Variants in NFATC1 observed in about 807,000 individuals in gnomAD.
The protein encoded by NFATC1 is nuclear factor of activated T cells 1.
Under a neutral mutation model 76.0 loss-of-function variants are expected in NFATC1, and 22 were observed. The ratio of observed to expected loss-of-function variants is 0.29; its 90% CI spans 0.21 to 0.41. The LOEUF (loss-of-function observed/expected upper bound fraction) is 0.41. Ranked by LOEUF, NFATC1 falls within the 10% of genes least tolerant of loss-of-function variation. NFATC1 has a pLI of 1.00. For missense variants in NFATC1, 1,357 were observed against 1,337.7 expected, an observed-to-expected ratio of 1.01 and a Z score of -0.23; for synonymous variants, 704 against 613.1, an observed-to-expected ratio of 1.15 and a Z score of -2.19.
intron 1 of NFATC1, among the ~76,000 whole-genome samples, chr18:79,399,485 A>G (rs1315137547): frequency 6.6e-6 from 1 of 152,168 alleles, no homozygotes; most frequent in Admixed American, 6.5e-5. Context: ...TCGGGTGTAT[A>G]TGGTGCGGAG....
chr18:79,401,343 T>G (rs560460564), intron 1 of NFATC1, among the ~76,000 whole-genome samples: 3 of 152,126 alleles, frequency 2.0e-5, no homozygotes, highest in African/African-American at 7.2e-5. Context: ...TTCCGTATCG[T>G]TCACTACTCT....
chr18:79,410,013 C>T lies in NFATC1; in HGVS notation c.128-390C>T, dbSNP rs752142782. The T allele has an allele frequency of 4.4e-5, 25 of 567,464 alleles. No individual in the cohort carries two copies. The highest frequency in any genetic ancestry group is 1.3e-4 in the East Asian group (3 of 23,024). The allele number at this position is 567,464 out of a possible 1,614,324, so 35.2% of individuals were successfully genotyped here. A position where few individuals can be genotyped will look rare whatever the true frequency, so the allele number is the denominator to read the frequency against. On this transcript the variant is annotated intron_variant, in intron 1 of 9. Coordinates refer to ENST00000427363, the MANE Select transcript of NFATC1 (RefSeq NM_001278669.2). The surrounding 1 kb of genome is among the most constrained non-coding windows in gnomAD (Gnocchi z 6.7). ...TGGTTTTTGAATGAAGAGCGGAACC[C>T]GTGAGGACCCAGTCGCCTCTCTCTG...
chr18:79,445,191 A>G (rs1220195892), intron 3 of NFATC1, among the ~76,000 whole-genome samples: 1 of 152,174 alleles, frequency 6.6e-6, no homozygotes, highest in Non-Finnish European at 1.5e-5. Context: ...TTTTCTTACA[A>G]GTACCGTGTG....
chr18:79,475,302 GTAAA>G (rs2089016182), intron 8 of NFATC1, among the ~76,000 whole-genome samples: 2 of 150,562 alleles, frequency 1.3e-5, no homozygotes, highest in Non-Finnish European at 1.5e-5. Context: ...TGTCAACGTT[GTAAA>G]CCTGAGGGAA....
intron 3 of NFATC1, among the ~76,000 whole-genome samples, chr18:79,444,334 C>A (rs2087106498): frequency 6.6e-6 from 1 of 152,204 alleles, no homozygotes. Flanking sequence ...GAGTCTCCAG[C>A]CATGGCGTCC....
intron 3 of NFATC1, among the ~76,000 whole-genome samples, chr18:79,445,899 G>A (rs1463767253): frequency 6.6e-6 from 1 of 152,172 alleles, no homozygotes; most frequent in Non-Finnish European, 1.5e-5. Context: ...AATAAATTTG[G>A]CCTCAATCAT....
chr18:79,418,528 G>GTGGA (rs2085956087), intron 2 of NFATC1, among the ~76,000 whole-genome samples: 1 of 152,220 alleles, frequency 6.6e-6, no homozygotes. Context: ...TCACCAAGAT[G>GTGGA]TGGAGCCTTC....
At chr18:79,516,570 G>A (rs566616058) in intron 9 of NFATC1, among the ~76,000 whole-genome samples, 18 of 152,258 alleles carry the variant, frequency 1.2e-4, no homozygotes, top group African/African-American at 1.9e-4. Flanking sequence ...CAGCAGTGTC[G>A]GACAGTTTAG....
At chr18:79,400,226 C>T in intron 1 of NFATC1, 1 of 1,181,424 alleles carries the variant, frequency 8.5e-7, no homozygotes, top group Non-Finnish European at 1.0e-6. Context: ...GGCCGCGAGC[C>T]GGTTGTTTAT....
intron 7 of NFATC1, among the ~76,000 whole-genome samples, chr18:79,461,890 CT>C (rs1167810479): frequency 6.6e-6 from 1 of 152,234 alleles, no homozygotes; most frequent in African/African-American, 2.4e-5. Flanking sequence ...CCGACCTCCC[CT>C]GTGATGGTGT....
At chr18:79,514,553 A>G (rs1484760945) in intron 9 of NFATC1, among the ~76,000 whole-genome samples, 1 of 130,658 alleles carries the variant, frequency 7.7e-6, no homozygotes, top group African/African-American at 3.2e-5. Context: ...TGACAGAATG[A>G]GACCCTGCCT....
chr18:79,525,706 A>T (rs371077444), intron 9 of NFATC1, among the ~76,000 whole-genome samples: 1 of 151,946 alleles, frequency 6.6e-6, no homozygotes, highest in East Asian at 1.9e-4. Flanking sequence ...TTTCTTTTGG[A>T]GCTCCGCTGG....
chr18:79,433,657 G>C lies in NFATC1; in HGVS notation c.1305G>C (p.Lys435Asn). ...AGCTTCGGATTGAGGTGCAGCCCAA[G>C]TCCCACCACCGAGCCCACTACGAGA... The part of the protein sequence containing the change: ...PYELRIEVQP[K>N]SHHRAHYETE... Residue 435 changes from lysine (K) to asparagine (N), a missense_variant, in exon 3 of 10, where the codon AAG (lysine) becomes AAC (asparagine). Transcript: ENST00000427363. 1 of 1,613,180 alleles carries C rather than the reference G, an allele frequency of 6.2e-7. No homozygotes were observed. The highest frequency in any genetic ancestry group is 1.1e-5 in the South Asian group (1 of 91,070).
chr18:79,398,262 C>T (rs1264769566), intron 1 of NFATC1, among the ~76,000 whole-genome samples: 3 of 152,250 alleles, frequency 2.0e-5, no homozygotes, highest in Non-Finnish European at 4.4e-5. Flanking sequence ...AGACACAATG[C>T]CCCACGGGCT....
chr18:79,442,856 A>C, intron 3 of NFATC1, among the ~76,000 whole-genome samples: 1 of 150,892 alleles, frequency 6.6e-6, no homozygotes, highest in Admixed American at 6.6e-5. Flanking sequence ...ACAGCTCCCC[A>C]CTCCCACCCG....
chr18:79,433,678 C>T lies in NFATC1; in HGVS notation c.1326C>T (p.Tyr442=), dbSNP rs75223694. 1.7e-4 allele frequency: 278 copies of T among 1,608,434 alleles called. 1 individual carries two copies. In the African/African-American group the frequency reaches 2.1e-3, roughly 12 times the overall value. The change falls in exon 3 of 10, where the codon TAC becomes TAT. Residue 442 remains tyrosine, a synonymous_variant. Coordinates refer to ENST00000427363, the MANE Select transcript of NFATC1 (RefSeq NM_001278669.2). ...VQPKSHHRAH[Y]ETEGSRGAVK... Reference sequence around the variant, plus strand: ...CCAAGTCCCACCACCGAGCCCACTACGAGACGGAGGGCAGCCGGGGGGCCG... The same window carrying T: ...CCAAGTCCCACCACCGAGCCCACTATGAGACGGAGGGCAGCCGGGGGGCCG...
At chr18:79,426,714 G>A (rs1219391480) in intron 2 of NFATC1, among the ~76,000 whole-genome samples, 1 of 152,272 alleles carries the variant, frequency 6.6e-6, no homozygotes, top group Non-Finnish European at 1.5e-5. Flanking sequence ...TGCTGCGGGT[G>A]TGGAGGTTGC....
rs1442440150 is a variant in NFATC1 at position 79,416,174 on chromosome 18, G to T, written c.1226+4673G>T. 2.0e-5 allele frequency among the ~76,000 whole-genome samples: 3 copies of T among 152,372 alleles called. No homozygotes were observed. The East Asian group carries it at 5.8e-4, about 29-fold the overall frequency. ...CTATGCATAGTATTAGTTTCAAAAGGTCTGAGAAAACGTTCACTCTCTTGT... is the reference window on the plus strand; with the variant it reads ...CTATGCATAGTATTAGTTTCAAAAGTTCTGAGAAAACGTTCACTCTCTTGT... On this transcript the variant is annotated intron_variant, in intron 2 of 9. Coordinates refer to ENST00000427363, the MANE Select transcript of NFATC1 (RefSeq NM_001278669.2).
chr18:79,517,217 C>T (rs2090405306), intron 9 of NFATC1, among the ~76,000 whole-genome samples: 1 of 152,166 alleles, frequency 6.6e-6, no homozygotes, highest in Non-Finnish European at 1.5e-5. Context: ...AAATTATTAC[C>T]CTCTTAGGTT....
Sources: gnomAD v4.1 joint callset for allele counts (sites outside exome capture counted in the v4.1 genomes callset) on GRCh38, gnomAD v4.1.1 for gene constraint, Gnocchi (gnomAD v3.1) non-coding constraint, MANE v1.5 for transcripts, NCBI Gene and HGNC (gene_info 2026-07-23, HGNC 2026-07-21) for gene names.